Variants in NR3C2 observed in about 807,000 individuals in gnomAD.
NR3C2 encodes the protein nuclear receptor subfamily 3 group C member 2, also known as mineralocorticoid receptor.
Under a neutral mutation model 86.4 loss-of-function variants are expected in NR3C2, and 15 were observed. That is an observed-to-expected ratio of 0.17 (90% confidence interval 0.12 to 0.27). The LOEUF is 0.27. Ranked by LOEUF, NR3C2 falls within the 10% of genes least tolerant of loss-of-function variation. The pLI is 1.00. For missense variants in NR3C2, 960 were observed against 1,195.6 expected (o/e 0.80, Z 2.91); for synonymous variants, 458 against 450.5 (o/e 1.02, Z -0.21).
chr4:148,313,182 T>TC (rs1742990069), intron 2 of NR3C2, among the ~76,000 whole-genome samples: 1 of 152,162 alleles, frequency 6.6e-6, no homozygotes, highest in Non-Finnish European at 1.5e-5. Context: ...TGGGCTACAG[T>TC]CCAACAGCGT....
At chr4:148,289,488 C>G (rs2149906538) in intron 2 of NR3C2, among the ~76,000 whole-genome samples, 1 of 152,286 alleles carries the variant, frequency 6.6e-6, no homozygotes, top group East Asian at 1.9e-4. Context: ...AAACTATACA[C>G]AGGTTGTTAC....
At chr4:148,408,658 C>G (rs1748538771) in intron 2 of NR3C2, among the ~76,000 whole-genome samples, 1 of 152,070 alleles carries the variant, frequency 6.6e-6, no homozygotes, top group African/African-American at 2.4e-5. Flanking sequence ...CAATAGGCAA[C>G]CATTTTAACT....
intron 2 of NR3C2, among the ~76,000 whole-genome samples, chr4:148,272,299 T>G (rs1740726737): frequency 6.6e-6 from 1 of 152,210 alleles, no homozygotes; most frequent in Non-Finnish European, 1.5e-5. Context: ...TAAAATAGCT[T>G]TTCTTGAAAG....
chr4:148,431,208 A>C (rs536731992), intron 2 of NR3C2, among the ~76,000 whole-genome samples: 9 of 152,242 alleles, frequency 5.9e-5, no homozygotes, highest in South Asian at 2.1e-4. Flanking sequence ...TCCTCTTTTC[A>C]AGTAAAATCA....
intron 2 of NR3C2, among the ~76,000 whole-genome samples, chr4:148,306,817 T>A (rs1029606809): frequency 6.6e-6 from 1 of 152,204 alleles, no homozygotes; most frequent in East Asian, 1.9e-4. Flanking sequence ...AAAAATAGAT[T>A]ATAGCACATA....
intron 4 of NR3C2, among the ~76,000 whole-genome samples, chr4:148,188,927 G>GTTTTT (rs770094656): frequency 3.9e-5 from 5 of 127,310 alleles, no homozygotes; most frequent in Non-Finnish European, 5.0e-5. Flanking sequence ...ATTTTGCTGA[G>GTTTTT]TTTTTTTTTT....
At chr4:148,086,686 G>A (rs1560913229) in intron 8 of NR3C2, among the ~76,000 whole-genome samples, 1 of 152,204 alleles carries the variant, frequency 6.6e-6, no homozygotes, top group Non-Finnish European at 1.5e-5. Flanking sequence ...AGGTTGCAGT[G>A]AGCCAAGATT....
At chr4:148,180,880 G>A (rs1203676424) in intron 4 of NR3C2, among the ~76,000 whole-genome samples, 1 of 152,102 alleles carries the variant, frequency 6.6e-6, no homozygotes, top group Non-Finnish European at 1.5e-5. Flanking sequence ...ATGTACAAGA[G>A]CATCTGTTTT....
At chr4:148,113,974 A>G (rs763941770) in intron 8 of NR3C2, 130 bp downstream of exon 8, 86 of 1,094,658 alleles carry the variant, frequency 7.9e-5, no homozygotes, top group Non-Finnish European at 1.1e-4. Context: ...GGACATGGCG[A>G]TATCCTTAAT....
chr4:148,284,012 T>TA (rs2149899489), intron 2 of NR3C2, among the ~76,000 whole-genome samples: 1 of 152,278 alleles, frequency 6.6e-6, no homozygotes, highest in East Asian at 1.9e-4. Context: ...CTTGACCTTC[T>TA]ACCACATACC....
Position 148,201,759 on chromosome 4 carries a change from T to C in NR3C2, c.1898-6897A>G, listed in dbSNP as rs796715991. ...CATTTCTGTTTTTCTCTGGCTCCACTAATTTCATGTTCTATGACATCTACA... is the reference window on the plus strand; with the variant it reads ...CATTTCTGTTTTTCTCTGGCTCCACCAATTTCATGTTCTATGACATCTACA... On this transcript the variant is annotated intron_variant, in intron 3 of 8. Coordinates refer to ENST00000358102, the MANE Select transcript of NR3C2 (RefSeq NM_000901.5). 3.9e-5 allele frequency among the ~76,000 whole-genome samples: 6 copies of C among 152,272 alleles called. No homozygotes were observed. In the South Asian group the frequency reaches 1.2e-3, roughly 32 times the overall value.
intron 2 of NR3C2, among the ~76,000 whole-genome samples, chr4:148,398,799 A>G (rs1358604166): frequency 1.3e-5 from 2 of 152,212 alleles, no homozygotes; most frequent in Admixed American, 6.5e-5. Flanking sequence ...AATAATTACC[A>G]ATTGTAATGC....
chr4:148,298,886 A>G (rs879736833), intron 2 of NR3C2, among the ~76,000 whole-genome samples: 1 of 152,224 alleles, frequency 6.6e-6, no homozygotes, highest in Non-Finnish European at 1.5e-5. Flanking sequence ...TAGATGCAGG[A>G]GGAAGATAAG....
At chr4:148,284,533 A>G (rs769471770) in intron 2 of NR3C2, among the ~76,000 whole-genome samples, 6 of 152,198 alleles carry the variant, frequency 3.9e-5, no homozygotes, top group Non-Finnish European at 7.3e-5. Flanking sequence ...TTTTTAAAAC[A>G]CATCAGGTAA....
At chr4:148,166,426 C>G (rs72653829) in intron 4 of NR3C2, among the ~76,000 whole-genome samples, 159 of 152,318 alleles carry the variant, frequency 1.0e-3, no homozygotes, top group African/African-American at 3.7e-3. Flanking sequence ...CTGCCCAGCT[C>G]TGTTTACAGG....
intron 2 of NR3C2, among the ~76,000 whole-genome samples, chr4:148,273,213 G>A (rs1021765686): frequency 2.2e-4 from 34 of 152,162 alleles, no homozygotes; most frequent in Admixed American, 4.6e-4. Flanking sequence ...TAAATGTTTC[G>A]ACTAGATTTC....
chr4:148,348,198 TG>T (rs1745094739), intron 2 of NR3C2, among the ~76,000 whole-genome samples: 1 of 152,130 alleles, frequency 6.6e-6, no homozygotes, highest in South Asian at 2.1e-4. Context: ...CACTCTGTTT[TG>T]GTAAGTCTAA....
chr4:148,192,101 C>T (rs1363179598), intron 4 of NR3C2, among the ~76,000 whole-genome samples: 1 of 152,182 alleles, frequency 6.6e-6, no homozygotes, highest in African/African-American at 2.4e-5. Flanking sequence ...CTGGTTTCTT[C>T]TCATTTGTGC....
intron 2 of NR3C2, among the ~76,000 whole-genome samples, chr4:148,342,522 T>G (rs2149982649): frequency 6.6e-6 from 1 of 152,298 alleles, no homozygotes; most frequent in South Asian, 2.1e-4. Flanking sequence ...ATTCTGAGTA[T>G]ACACCTGTAT....
Sources: allele counts gnomAD v4.1 joint callset (sites outside exome capture counted in the v4.1 genomes callset), GRCh38; gene constraint gnomAD v4.1.1; transcripts MANE v1.5; gene names NCBI Gene and HGNC (gene_info 2026-07-23, HGNC 2026-07-21).